The following LHCGR variants were observed in gnomAD, a reference collection of about 807,000 sequenced individuals.
The protein encoded by LHCGR is luteinizing hormone/choriogonadotropin receptor.
LHCGR carries 55 observed loss-of-function variants against 60.7 expected under a neutral mutation model. The ratio of observed to expected loss-of-function variants is 0.91; its 90% CI spans 0.73 to 1.13. The LOEUF (loss-of-function observed/expected upper bound fraction) is 1.13, where lower values mean the gene tolerates loss of function less well. Ranked by LOEUF, LHCGR falls within the 50% of genes most tolerant of loss-of-function variation. The pLI is 0.00. For synonymous variants in LHCGR, 337 were observed against 316.5 expected, an observed-to-expected ratio of 1.06 and a Z score of -0.69; for missense variants, 862 against 836.0, an observed-to-expected ratio of 1.03 and a Z score of -0.38.
intron 1 of LHCGR, among the ~76,000 whole-genome samples, chr2:48,737,211 T>G (rs1421017019): frequency 6.6e-6 from 1 of 152,230 alleles, no homozygotes; most frequent in East Asian, 1.9e-4. Context: ...ATGCCAACTA[T>G]ATTATTGATT....
chr2:48,688,652 A>G lies in LHCGR; in HGVS notation c.1145T>C (p.Phe382Ser). The stretch of plus-strand genomic sequence containing the variant: ...TTTGTAACGACTTGTCAGGAGAACA[A>G]AAAGAACAGTCATGTTTCCCATGAT... ...LAIMGNMTVL[F>S]VLLTSRYKLT... Residue 382 changes from phenylalanine to serine, a missense_variant, in exon 11 of 11, where the codon TTT becomes TCT. Physicochemically the swap from Phe to Ser is radical, Grantham distance 155. Coordinates refer to ENST00000294954, the MANE Select transcript of LHCGR (RefSeq NM_000233.4). This position sits in a 1 kb window ranked among gnomAD's most constrained non-coding sequence, Gnocchi z 5.2. 1.2e-6 allele frequency: 2 copies of G among 1,614,216 alleles called. No individual in the cohort carries two copies. Among genetic ancestry groups the G allele is most frequent in the Non-Finnish European group, 1.7e-6 (2 of 1,180,036 alleles).
intron 8 of LHCGR, among the ~76,000 whole-genome samples, chr2:48,701,718 A>G (rs1007000809): frequency 2.0e-5 from 3 of 152,086 alleles, no homozygotes; most frequent in Admixed American, 6.6e-5. Flanking sequence ...TCCCCATCCT[A>G]TGAAGGCAGA....
chr2:48,718,909 C>A (rs1260796362), intron 6 of LHCGR, among the ~76,000 whole-genome samples: 2 of 152,326 alleles, frequency 1.3e-5, no homozygotes, highest in East Asian at 3.9e-4. Context: ...TGCCTCCTGC[C>A]TCTCAGCAGC....
In LHCGR at chr2:48,723,605, A is replaced by G. The variant is rs180853612; in HGVS notation, c.458+17T>C. The G allele has an allele frequency of 2.6e-4, 418 of 1,610,022 alleles. 1 individual carries two copies. In the African/African-American group the frequency reaches 4.8e-3, roughly 19 times the overall value. On this transcript the variant is annotated intron_variant, in intron 5 of 10. Transcript: ENST00000294954. ...AAATAGGAAACTGTTATGCATAGCA[A>G]TCAGCCTGGTACTTACAGAATGAAA... is the stretch of plus-strand genomic sequence containing the variant.
chr2:48,718,023 G>C (rs1240211146), intron 6 of LHCGR, among the ~76,000 whole-genome samples: 1 of 151,870 alleles, frequency 6.6e-6, no homozygotes, highest in Non-Finnish European at 1.5e-5. Flanking sequence ...GTGAGTGGGA[G>C]ACCTCATGCT....
chr2:48,733,083 A>C (rs1430485369), intron 1 of LHCGR: 1 of 421,452 alleles, frequency 2.4e-6, no homozygotes, highest in African/African-American at 2.1e-5. Context: ...CAAACCAATA[A>C]ATTTACAGAA....
In LHCGR at chr2:48,729,337, C is replaced by A. The variant is rs901485581; in HGVS notation, c.234-110G>T. 1.5e-5 allele frequency: 12 copies of A among 826,220 alleles called. No homozygotes were observed. The Admixed American group carries it at 2.2e-4, about 15-fold the overall frequency. 51.2% of individuals were successfully genotyped at this position (826,220 alleles called of 1,614,324 possible). A position where few individuals can be genotyped will look rare whatever the true frequency, so the allele number is the denominator to read the frequency against. On this transcript the variant is annotated intron_variant, in intron 2 of 10. Coordinates refer to ENST00000294954, the MANE Select transcript of LHCGR (RefSeq NM_000233.4). Reference sequence around the variant, plus strand: ...CAACAACTGGGGACACCACTGTGTCCCCCTGAAAAGAACAAAGATGTGCAA... The same window carrying A: ...CAACAACTGGGGACACCACTGTGTCACCCTGAAAAGAACAAAGATGTGCAA...
intron 6 of LHCGR, among the ~76,000 whole-genome samples, chr2:48,717,713 C>G (rs1448159311): frequency 2.0e-5 from 3 of 151,860 alleles, no homozygotes; most frequent in Non-Finnish European, 4.4e-5. Context: ...TCTTCCTGGG[C>G]AGAGCAAGTC....
At chr2:48,745,098 C>T (rs1309486227) in intron 1 of LHCGR, among the ~76,000 whole-genome samples, 1 of 152,208 alleles carries the variant, frequency 6.6e-6, no homozygotes, top group Non-Finnish European at 1.5e-5. Flanking sequence ...TGAAAAAGTG[C>T]TCACCATCAC....
intron 6 of LHCGR, chr2:48,720,111 T>G (rs1257162859): frequency 1.3e-5 from 2 of 152,194 alleles, no homozygotes; most frequent in Non-Finnish European, 2.9e-5. Context: ...TACACCCTAC[T>G]GGCATGCACT....
chr2:48,689,855 C>T (rs1423876789), intron 10 of LHCGR, among the ~76,000 whole-genome samples: 1 of 152,152 alleles, frequency 6.6e-6, no homozygotes, highest in Non-Finnish European at 1.5e-5. Flanking sequence ...GCTGGGACTA[C>T]AGGCGCATGC....
At chr2:48,724,799 A>T (rs988551194) in intron 4 of LHCGR, among the ~76,000 whole-genome samples, 1 of 152,168 alleles carries the variant, frequency 6.6e-6, no homozygotes, top group Non-Finnish European at 1.5e-5. Context: ...GTTCAGTGTT[A>T]GAGTTAACAA....
Position 48,714,023 on chromosome 2 carries a change from G to A in LHCGR, c.568C>T (p.Gln190Ter). 6.2e-7 allele frequency: 1 copy of A among 1,612,960 alleles called. No individual in the cohort carries two copies. The highest frequency in any genetic ancestry group is 8.5e-7 in the Non-Finnish European group (1 of 1,179,066). The change falls in exon 7 of 11, where the codon CAA becomes TAA. Residue 190 changes from glutamine (Q) to a stop codon, truncating the protein, a stop_gained. Transcript: ENST00000294954. LOFTEE classifies it high-confidence loss of function. ...KLYGNGFEEV[Q>*]SHAFNGTTLT... ...GTCGTCCCATTGAATGCATGACTTTGTACTTCTTCAAATCCATTTCCATAT... is the reference window on the plus strand; with the variant it reads ...GTCGTCCCATTGAATGCATGACTTTATACTTCTTCAAATCCATTTCCATAT...
At chr2:48,725,841 T>C in intron 3 of LHCGR, 91 bp from the exon 4 acceptor site, 1 of 1,076,426 alleles carries the variant, frequency 9.3e-7, no homozygotes, top group South Asian at 1.2e-5. Flanking sequence ...AGTTGCTGGC[T>C]GAAAATGGCA....
chr2:48,731,216 A>C lies in LHCGR; in HGVS notation c.233+11T>G. 1.3e-6 allele frequency: 2 copies of C among 1,569,578 alleles called. No homozygotes were observed. The highest frequency in any genetic ancestry group is 8.8e-7 in the Non-Finnish European group (1 of 1,140,448). Reference sequence around the variant, plus strand: ...TTACGAATGTCTTTTGATATGCAGTAACTTACTTACATTTTTATGACCTCA... The same window carrying C: ...TTACGAATGTCTTTTGATATGCAGTCACTTACTTACATTTTTATGACCTCA... On this transcript the variant is annotated intron_variant, in intron 2 of 10. Coordinates refer to ENST00000294954, the MANE Select transcript of LHCGR (RefSeq NM_000233.4).
intron 8 of LHCGR, among the ~76,000 whole-genome samples, chr2:48,707,420 CTG>C (rs79354316): frequency 0.11 from 16,819 of 152,284 alleles, 1,035 homozygotes; most frequent in Middle Eastern, 0.23. Flanking sequence ...AGCTTGAACA[CTG>C]TGCTGGGAGA....
intron 6 of LHCGR, among the ~76,000 whole-genome samples, chr2:48,718,381 A>C (rs906936436): frequency 2.6e-5 from 4 of 152,154 alleles, no homozygotes; most frequent in Admixed American, 6.5e-5. Context: ...ATGAACCCCA[A>C]ATATTCCTGG....
At chr2:48,741,857 T>A (rs1669471973) in intron 1 of LHCGR, among the ~76,000 whole-genome samples, 1 of 150,926 alleles carries the variant, frequency 6.6e-6, no homozygotes. Flanking sequence ...ACTTTAAATG[T>A]AAATGGACTA....
At position 48,688,087 on chromosome 2, in the gene LHCGR, T is replaced by A; in HGVS notation, c.1710A>T (p.Lys570Asn). ...AATCGGTGAAGATGAGGATTGCCATTTTCTTAGCAATCTTTGTATCTTTAT... is the reference window on the plus strand; with the variant it reads ...AATCGGTGAAGATGAGGATTGCCATATTCTTAGCAATCTTTGTATCTTTAT... ...ATNKDTKIAK[K>N]MAILIFTDFT... The change falls in exon 11 of 11, where the codon AAA (lysine) becomes AAT (asparagine). Residue 570 changes from lysine to asparagine, a missense_variant. Physicochemically the swap from Lys to Asn is moderately conservative, Grantham distance 94 (BLOSUM62 0). Transcript: ENST00000294954. The surrounding 1 kb of genome is among the most constrained non-coding windows in gnomAD (Gnocchi z 5.2). 1 of 1,614,190 alleles carries A rather than the reference T, an allele frequency of 6.2e-7. No individual in the cohort carries two copies. The highest frequency in any genetic ancestry group is 8.5e-7 in the Non-Finnish European group (1 of 1,180,034).
Sources: gnomAD v4.1 joint callset for allele counts (sites outside exome capture counted in the v4.1 genomes callset) on GRCh38, gnomAD v4.1.1 for gene constraint, Gnocchi (gnomAD v3.1) non-coding constraint, MANE v1.5 for transcripts, NCBI Gene and HGNC (gene_info 2026-07-23, HGNC 2026-07-21) for gene names.